Variants in SNX25 observed in about 807,000 individuals in gnomAD.
The protein encoded by SNX25 is sorting nexin-25.
Under a neutral mutation model 113.7 loss-of-function variants are expected in SNX25, and 62 were observed. That is an observed-to-expected ratio of 0.55 (90% confidence interval 0.44 to 0.67). The LOEUF (loss-of-function observed/expected upper bound fraction) is 0.67, where lower values mean the gene tolerates loss of function less well. SNX25 is among the 30% of genes least tolerant of loss of function. The probability of loss-of-function intolerance (pLI) is 0.00; values close to 1 mark genes in which losing one functional copy is unlikely to be tolerated. For synonymous variants in SNX25, 421 were observed against 436.2 expected (o/e 0.97, Z 0.43); for missense variants, 1,014 against 1,161.0 (o/e 0.87, Z 1.84).
At chr4:185,281,631 G>A (rs995127301) in intron 5 of SNX25, among the ~76,000 whole-genome samples, 1 of 152,144 alleles carries the variant, frequency 6.6e-6, no homozygotes, top group Non-Finnish European at 1.5e-5. Flanking sequence ...CTGGCTAAAA[G>A]CATCATGGCT....
rs758932370 is a variant in SNX25 at position 185,363,360 on chromosome 4, CT to C, written c.2935-19del. The C allele has an allele frequency of 1.2e-6, 2 of 1,611,714 alleles. No individual in the cohort carries two copies. Among genetic ancestry groups the C allele is most frequent in the African/African-American group, 2.7e-5 (2 of 74,956 alleles). On this transcript the variant is annotated intron_variant, in intron 18 of 18. Coordinates refer to ENST00000652585, the MANE Select transcript of SNX25 (RefSeq NM_001378034.2). The surrounding 1 kb of genome is among the most constrained non-coding windows in gnomAD (Gnocchi z 4.2). ...ACCCTTGGAGAAAAACATTTTTCCA[CT>C]TTTTTCCTTCTTTGTTGGTTCAGGC... is the stretch of plus-strand genomic sequence containing the variant.
chr4:185,271,586 G>A, intron 5 of SNX25, among the ~76,000 whole-genome samples: 1 of 152,158 alleles, frequency 6.6e-6, no homozygotes, highest in East Asian at 1.9e-4. Context: ...GAGCTATTCT[G>A]TTGTTTTTCT....
intron 3 of SNX25, among the ~76,000 whole-genome samples, chr4:185,260,101 A>T (rs1747073123): frequency 6.6e-6 from 1 of 152,150 alleles, no homozygotes; most frequent in Non-Finnish European, 1.5e-5. Context: ...ATGAAACAGT[A>T]CTTTTGTTAC....
chr4:185,321,812 C>T (rs2095122612), intron 8 of SNX25, among the ~76,000 whole-genome samples: 1 of 152,118 alleles, frequency 6.6e-6, no homozygotes. Context: ...TGAACATGTA[C>T]AGACCTTTTT....
intron 6 of SNX25, among the ~76,000 whole-genome samples, chr4:185,301,181 A>G (rs1341416950): frequency 6.6e-6 from 1 of 152,102 alleles, no homozygotes; most frequent in Non-Finnish European, 1.5e-5. Context: ...TTAGTATTAG[A>G]TCACACCCCT....
chr4:185,290,243 G>A (rs1751952482), intron 6 of SNX25, among the ~76,000 whole-genome samples: 1 of 152,150 alleles, frequency 6.6e-6, no homozygotes, highest in South Asian at 2.1e-4. Flanking sequence ...TTGGGAGTGC[G>A]GGAAGGACAC....
At chr4:185,331,482 A>G (rs747741461) in intron 9 of SNX25, among the ~76,000 whole-genome samples, 16 of 152,326 alleles carry the variant, frequency 1.1e-4, no homozygotes, top group Non-Finnish European at 2.4e-4. Context: ...ATAGACAACC[A>G]GTTAAAAGAA....
chr4:185,371,277 C>T (rs1045159139), downstream of SNX25, among the ~76,000 whole-genome samples: 9 of 152,080 alleles, frequency 5.9e-5, no homozygotes, highest in Non-Finnish European at 1.0e-4. Context: ...CGGTGGCTCA[C>T]GCCTGTAATC....
intron 13 of SNX25, 29 bp from the exon 14 acceptor site, chr4:185,351,416 T>G: frequency 6.2e-7 from 1 of 1,607,066 alleles, no homozygotes; most frequent in South Asian, 1.1e-5. Context: ...TTTCCCACAC[T>G]GGAGCAGTTA....
At chr4:185,296,799 T>C (rs1218453333) in intron 6 of SNX25, among the ~76,000 whole-genome samples, 1 of 152,208 alleles carries the variant, frequency 6.6e-6, no homozygotes, top group Non-Finnish European at 1.5e-5. Flanking sequence ...AATTTTCTTT[T>C]CCCTGCCCCT....
At chr4:185,362,837 C>G (rs1039783913) in intron 18 of SNX25, 126 bp downstream of exon 18, 15 of 234,090 alleles carry the variant, frequency 6.4e-5, no homozygotes, top group Non-Finnish European at 1.5e-5. Flanking sequence ...TCTCCCTTGA[C>G]TTTTTTTTTT....
At chr4:185,367,273 A>G, downstream of SNX25, 1 of 1,584,896 alleles carries the variant, frequency 6.3e-7, no homozygotes. Flanking sequence ...TCAGATATTT[A>G]GATACATTCT....
intron 1 of SNX25, among the ~76,000 whole-genome samples, chr4:185,240,777 C>G (rs1359943926): frequency 6.6e-6 from 1 of 150,992 alleles, no homozygotes; most frequent in Non-Finnish European, 1.5e-5. Flanking sequence ...GGCTGCCGAG[C>G]GGAGGGGCTC....
intron 1 of SNX25, among the ~76,000 whole-genome samples, chr4:185,212,019 A>G (rs551346250): frequency 6.6e-6 from 1 of 152,370 alleles, no homozygotes; most frequent in South Asian, 2.1e-4. Context: ...AGCAGCATGT[A>G]TAAATCTCTC....
intron 10 of SNX25, among the ~76,000 whole-genome samples, chr4:185,333,531 A>G (rs527709675): frequency 2.6e-5 from 4 of 152,322 alleles, no homozygotes; most frequent in African/African-American, 7.2e-5. Context: ...CTGAAACAAG[A>G]TGTAAGAAAA....
chr4:185,209,172 A>G (rs1229816939), upstream of SNX25, among the ~76,000 whole-genome samples: 1 of 152,128 alleles, frequency 6.6e-6, no homozygotes, highest in African/African-American at 2.4e-5. The surrounding 1 kb of genome is among the most constrained non-coding windows in gnomAD (Gnocchi z 5.2). Flanking sequence ...AGGGTGGGAA[A>G]GGGAAGGTCG....
chr4:185,297,682 G>A lies in SNX25; in HGVS notation c.1162+9600G>A, dbSNP rs571466580. On this transcript the variant is annotated intron_variant, in intron 6 of 18. Coordinates refer to ENST00000652585, the MANE Select transcript of SNX25 (RefSeq NM_001378034.2). ...CTGGCAGATTTGGTGTCTGATGAGG[G>A]CCCTCTTGCTGGTTTGCAGATGGCG... Among the ~76,000 whole-genome samples the A allele has an allele frequency of 5.3e-5, 8 of 152,228 alleles. No individual in the cohort carries two copies. The East Asian group carries it at 1.5e-3, about 29-fold the overall frequency.
chr4:185,240,527 C>T (rs1276406207), intron 1 of SNX25, among the ~76,000 whole-genome samples: 70 of 146,098 alleles, frequency 4.8e-4, no homozygotes, highest in African/African-American at 1.8e-3. Context: ...GGGGGGCTGA[C>T]CCCCCCACCT....
chr4:185,218,229 C>T (rs1324649040), intron 1 of SNX25, among the ~76,000 whole-genome samples: 2 of 152,196 alleles, frequency 1.3e-5, no homozygotes, highest in South Asian at 2.1e-4. Context: ...GGATTACAGG[C>T]GCCCGCCATC....
Sources: allele counts gnomAD v4.1 joint callset (sites outside exome capture counted in the v4.1 genomes callset), GRCh38; gene constraint gnomAD v4.1.1; non-coding constraint Gnocchi (gnomAD v3.1); transcripts MANE v1.5; gene names NCBI Gene and HGNC (gene_info 2026-07-23, HGNC 2026-07-21).